PTPRN2: variants seen among roughly 807,000 people sequenced by gnomAD.
The protein encoded by PTPRN2 is protein tyrosine phosphatase receptor type N2.
Under a neutral mutation model 118.8 loss-of-function variants are expected in PTPRN2, and 74 were observed. The observed-to-expected ratio is 0.62, with a 90% CI of 0.52 to 0.76. The LOEUF (loss-of-function observed/expected upper bound fraction) is 0.76, where lower values mean the gene tolerates loss of function less well. Ranked by LOEUF, PTPRN2 falls within the 30% of genes least tolerant of loss-of-function variation. The pLI is 0.00. For missense variants in PTPRN2, 1,481 were observed against 1,394.4 expected, an observed-to-expected ratio of 1.06 and a Z score of -0.99; for synonymous variants, 641 against 608.0, an observed-to-expected ratio of 1.05 and a Z score of -0.80.
chr7:157,751,974 GA>G lies in PTPRN2; in HGVS notation c.1789-69038del, dbSNP rs554971475. On this transcript the variant is annotated intron_variant, in intron 12 of 22. Transcript: ENST00000389418. Reference sequence around the variant, plus strand: ...CCAAGTGGGACTTGCAGTTGCCCTGGACAGCCCGGCCTTGCGAGACTCCCAT... The same window carrying G: ...CCAAGTGGGACTTGCAGTTGCCCTGGCAGCCCGGCCTTGCGAGACTCCCAT... 2.6e-3 allele frequency among the ~76,000 whole-genome samples: 390 copies of G among 152,222 alleles called. 2 individuals are homozygous for G. The highest frequency in any genetic ancestry group is 9.0e-3 in the African/African-American group (373 of 41,524).
intron 3 of PTPRN2, among the ~76,000 whole-genome samples, chr7:158,208,021 C>T (rs1827294298): frequency 6.6e-6 from 1 of 152,204 alleles, no homozygotes; most frequent in Non-Finnish European, 1.5e-5. Context: ...GCCTCAGACT[C>T]TCTTGACAGC....
At chr7:158,285,410 C>T (rs1320355682) in intron 3 of PTPRN2, among the ~76,000 whole-genome samples, 1 of 152,202 alleles carries the variant, frequency 6.6e-6, no homozygotes, top group East Asian at 1.9e-4. Flanking sequence ...CTCAGAAGGA[C>T]AGGGATGTGC....
At chr7:158,263,218 C>T (rs896313876) in intron 3 of PTPRN2, among the ~76,000 whole-genome samples, 21 of 152,194 alleles carry the variant, frequency 1.4e-4, no homozygotes, top group Non-Finnish European at 2.9e-4. Flanking sequence ...TACCTGTGTG[C>T]ACCCGCATGT....
chr7:158,145,100 C>T (rs1223713117), intron 6 of PTPRN2, among the ~76,000 whole-genome samples: 1 of 150,506 alleles, frequency 6.6e-6, no homozygotes, highest in Non-Finnish European at 1.5e-5. Context: ...CACGGCTCGG[C>T]AAGGTTTCCC....
Position 157,845,294 on chromosome 7 carries a change from A to G in PTPRN2, c.1788+53379T>C, listed in dbSNP as rs530089447. On this transcript the variant is annotated intron_variant, in intron 12 of 22. Transcript: ENST00000389418. The surrounding 1 kb of genome is among the most constrained non-coding windows in gnomAD (Gnocchi z 4.5). ...TCGATGGCCTTTCTGTCCTCCCTGCACCACCCAGAGGACATACACAGAGTG... is the reference window on the plus strand; with the variant it reads ...TCGATGGCCTTTCTGTCCTCCCTGCGCCACCCAGAGGACATACACAGAGTG... 3.7e-4 allele frequency among the ~76,000 whole-genome samples: 56 copies of G among 152,298 alleles called. No homozygotes were observed. Among genetic ancestry groups the G allele is most frequent in the Non-Finnish European group, 7.2e-4 (49 of 68,024 alleles).
Position 157,794,949 on chromosome 7 carries a change from C to T in PTPRN2, c.1788+103724G>A, listed in dbSNP as rs1270999444. On this transcript the variant is annotated intron_variant, in intron 12 of 22. Transcript: ENST00000389418. The surrounding 1 kb of genome is among the most constrained non-coding windows in gnomAD (Gnocchi z 5.2). Reference sequence around the variant, plus strand: ...GTGAAAGAGGCCAGAGTGCTTCCCTCACTTAGCGGGGATGCAATTATAAAG... The same window carrying T: ...GTGAAAGAGGCCAGAGTGCTTCCCTTACTTAGCGGGGATGCAATTATAAAG... Among the ~76,000 whole-genome samples, 2 of 152,272 alleles carry T rather than the reference C, an allele frequency of 1.3e-5. No individual in the cohort carries two copies. Among genetic ancestry groups the T allele is most frequent in the African/African-American group, 2.4e-5 (1 of 41,472 alleles).
chr7:158,342,072 C>G (rs1166382022), intron 2 of PTPRN2, among the ~76,000 whole-genome samples: 1 of 136,534 alleles, frequency 7.3e-6, no homozygotes, highest in Non-Finnish European at 1.6e-5. Flanking sequence ...CACATCCACA[C>G]TCTCACCAGA....
intron 1 of PTPRN2, among the ~76,000 whole-genome samples, chr7:158,514,654 C>T (rs937372015): frequency 2.6e-5 from 4 of 152,158 alleles, no homozygotes; most frequent in African/African-American, 9.7e-5. Context: ...AAGAAGGATA[C>T]CTACTTTCCA....
intron 11 of PTPRN2, among the ~76,000 whole-genome samples, chr7:157,971,579 G>A (rs994871541): frequency 3.9e-5 from 6 of 152,054 alleles, no homozygotes; most frequent in East Asian, 3.9e-4. Context: ...CAGCAATTCC[G>A]TGCTAATTAA....
chr7:158,053,092 G>A lies in PTPRN2; in HGVS notation c.1723+28206C>T, dbSNP rs113766250. Among the ~76,000 whole-genome samples the A allele has an allele frequency of 1.6e-3, 248 of 152,310 alleles. 1 individual carries two copies. The highest frequency in any genetic ancestry group is 5.7e-3 in the African/African-American group (235 of 41,564). On this transcript the variant is annotated intron_variant, in intron 11 of 22. Transcript: ENST00000389418. Reference sequence around the variant, plus strand: ...AGAAGCACAGTCTCTCTCAGTCCTGGGAGGGGATTTTTTTTCAATTTCAAG... The same window carrying A: ...AGAAGCACAGTCTCTCTCAGTCCTGAGAGGGGATTTTTTTTCAATTTCAAG...
rs1563254438 is a variant in PTPRN2, at chr7:158,407,186, G to GGTCCTGGGTCCTGGGTCCTGC, written c.163+82548_163+82549insGCAGGACCCAGGACCCAGGAC. On this transcript the variant is annotated intron_variant, in intron 2 of 22. Transcript: ENST00000389418. ...CCTGGGTCCTGCGTCCTGCGTCCTG[G>GGTCCTGGGTCCTGGGTCCTGC]GTCCTGGGTCCTGGGTCCTGGGTCC... Among the ~76,000 whole-genome samples, 18 of 17,590 alleles carry GGTCCTGGGTCCTGGGTCCTGC rather than the reference G, an allele frequency of 1.0e-3. 3 individuals carry two copies. The highest frequency in any genetic ancestry group is 5.1e-3 in the Admixed American group (6 of 1,180). The allele number at this position is 17,590 out of a possible 152,430, so 11.5% of individuals were successfully genotyped here.
chr7:158,585,797 T>C (rs1458299539), intron 1 of PTPRN2, among the ~76,000 whole-genome samples: 2 of 152,204 alleles, frequency 1.3e-5, no homozygotes, highest in African/African-American at 4.8e-5. Flanking sequence ...CTACCTTCCC[T>C]GGGACACTCC....
intron 12 of PTPRN2, among the ~76,000 whole-genome samples, chr7:157,886,317 T>C (rs1796443638): frequency 3.9e-5 from 6 of 152,114 alleles, no homozygotes; most frequent in Admixed American, 3.9e-4. Flanking sequence ...AAATCTATAT[T>C]ATGCATATTT....
chr7:157,767,897 T>C (rs1207332388), intron 12 of PTPRN2, among the ~76,000 whole-genome samples: 2 of 152,130 alleles, frequency 1.3e-5, no homozygotes, highest in Non-Finnish European at 2.9e-5. Flanking sequence ...AAAAGGCAGG[T>C]AGGACTTAGG....
chr7:157,565,113 G>A (rs1001013031), intron 21 of PTPRN2, among the ~76,000 whole-genome samples: 16 of 152,206 alleles, frequency 1.1e-4, no homozygotes, highest in Admixed American at 4.6e-4. Flanking sequence ...TCAGATTCGC[G>A]GAAACAAAGA....
chr7:158,540,016 C>T (rs1473080354), intron 1 of PTPRN2: 8 of 270,504 alleles, frequency 3.0e-5, no homozygotes, highest in South Asian at 1.3e-4. Flanking sequence ...GAGCTGGTGA[C>T]GGCTGGGGAC....
intron 2 of PTPRN2, among the ~76,000 whole-genome samples, chr7:158,340,428 C>T (rs1563174125): frequency 1.6e-4 from 9 of 56,986 alleles, no homozygotes; most frequent in East Asian, 5.2e-4. Context: ...CACACACACA[C>T]TCTCACCGTA....
chr7:157,571,999 C>G (rs1391434472), intron 19 of PTPRN2, among the ~76,000 whole-genome samples: 3 of 152,212 alleles, frequency 2.0e-5, no homozygotes, highest in African/African-American at 7.2e-5. Flanking sequence ...GTAAGGATAT[C>G]TAAATTACGG....
intron 12 of PTPRN2, among the ~76,000 whole-genome samples, chr7:157,743,180 G>A (rs931112271): frequency 6.6e-6 from 1 of 152,218 alleles, no homozygotes; most frequent in Non-Finnish European, 1.5e-5. Flanking sequence ...CAGGTCAGGA[G>A]GTCTCTTGGG....
Sources: allele counts gnomAD v4.1 joint callset (sites outside exome capture counted in the v4.1 genomes callset), GRCh38; gene constraint gnomAD v4.1.1; non-coding constraint Gnocchi (gnomAD v3.1); transcripts MANE v1.5; gene names NCBI Gene and HGNC (gene_info 2026-07-23, HGNC 2026-07-21).